WDFY4: variants seen among roughly 807,000 people sequenced by gnomAD.
The protein encoded by WDFY4 is WD repeat- and FYVE domain-containing protein 4.
WDFY4 carries 169 observed loss-of-function variants against 351.9 expected under a neutral mutation model. The observed-to-expected ratio is 0.48, with a 90% CI of 0.42 to 0.55. The LOEUF is 0.55. Among genes scored for constraint, WDFY4 ranks in the 20% least tolerant of loss-of-function variants. The pLI, the probability that WDFY4 is intolerant of heterozygous loss-of-function variation, is 0.00. For synonymous variants in WDFY4, 1,622 were observed against 1,574.6 expected (o/e 1.03, Z -0.71); for missense variants, 3,803 against 3,935.6 (o/e 0.97, Z 0.90).
Position 48,709,820 on chromosome 10 carries a change from G to A in WDFY4, c.88G>A (p.Asp30Asn), listed in dbSNP as rs200560672. The A allele has an allele frequency of 7.5e-4, 1,157 of 1,551,780 alleles. 1 individual carries two copies. The highest frequency in any genetic ancestry group is 9.5e-4 in the Non-Finnish European group (1,093 of 1,147,042). Residue 30 changes from aspartate to asparagine, a missense_variant, in exon 2 of 62, where the codon GAT (aspartate) becomes AAT (asparagine). Around this residue, in one of 3 missense-constraint regions of WDFY4, gnomAD observed 488 missense variants for 456.8 expected, o/e 1.07. Transcript: ENST00000325239. ...NEGQLAAVQP[D>N]VPHGGQSSSP... ...AGGGCAGCTTGCTGCTGTGCAGCCT[G>A]ATGTCCCACATGGAGGGCAGTCCTC...
At chr10:48,976,706 G>A in intron 58 of WDFY4, 91 bp from the exon 59 acceptor site, 7 of 1,189,454 alleles carry the variant, frequency 5.9e-6, no homozygotes, top group Non-Finnish European at 7.7e-6. Flanking sequence ...CAGATTGAGA[G>A]TACTTGGGTG....
At chr10:48,750,542 G>A (rs529139146) in intron 12 of WDFY4, among the ~76,000 whole-genome samples, 21 of 152,312 alleles carry the variant, frequency 1.4e-4, no homozygotes, top group African/African-American at 4.3e-4. Context: ...CCCCTGGCCT[G>A]CCCATCCCCA....
chr10:48,808,013 G>T (rs1360754882), intron 28 of WDFY4, 55 bp downstream of exon 28: 1 of 1,365,072 alleles, frequency 7.3e-7, no homozygotes, highest in East Asian at 2.8e-5. Context: ...ACAGGGTGTG[G>T]CATTAAACCT....
Position 48,978,357 on chromosome 10 carries a change from G to A in WDFY4, c.9340G>A (p.Gly3114Arg). ...GATGTCTGTTCCTGGACGGCCAGCA[G>A]GAGAGGAGCCCCCGGCTCAGCCTCC... ...VKMSVPGRPA[G>R]EEPPAQPPSP... is the part of the protein sequence containing the mutation. Residue 3114 changes from glycine to arginine, a missense_variant, in exon 60 of 62, where the codon GGA (glycine) becomes AGA (arginine). Physicochemically the swap from Gly to Arg is moderately radical, Grantham distance 125. Coordinates refer to ENST00000325239, the MANE Select transcript of WDFY4 (RefSeq NM_001394531.1). 6 of 1,551,446 alleles carry A rather than the reference G, an allele frequency of 3.9e-6. No homozygotes were observed. The highest frequency in any genetic ancestry group is 2.4e-5 in the East Asian group (1 of 40,892).
At chr10:48,742,846 T>C in intron 11 of WDFY4, 122 bp from the exon 12 acceptor site, 1 of 877,362 alleles carries the variant, frequency 1.1e-6, no homozygotes, top group Middle Eastern at 2.4e-4. Context: ...ATCCTTCCTG[T>C]AACTTGTTGG....
At chr10:48,738,555 CT>C (rs1361585190) in intron 11 of WDFY4, among the ~76,000 whole-genome samples, 1 of 152,206 alleles carries the variant, frequency 6.6e-6, no homozygotes, top group Non-Finnish European at 1.5e-5. Context: ...TGTCACACTG[CT>C]GCTCTAGGGG....
At chr10:48,814,443 C>T (rs2067555619) in intron 31 of WDFY4, among the ~76,000 whole-genome samples, 2 of 152,200 alleles carry the variant, frequency 1.3e-5, no homozygotes, top group African/African-American at 4.8e-5. Flanking sequence ...GGGAAGGGAC[C>T]TGACTTAGAG....
chr10:48,814,044 T>G lies in WDFY4; in HGVS notation c.5302T>G (p.Leu1768Val), dbSNP rs2067540144. ...LQAGLCTEGA[L>V]LLLEMLKATM... ...GGCTGGGCTGTGCACAGAAGGTGCC[T>G]TGCTCCTCCTGGAAATGCTGAAGGC... The change falls in exon 31 of 62, where the codon TTG becomes GTG. Residue 1768 changes from leucine (L) to valine (V), a missense_variant. Physicochemically the swap from Leu to Val is conservative, Grantham distance 32. Around this residue, in one of 3 missense-constraint regions of WDFY4, gnomAD observed 3,054 missense variants for 3,148.6 expected, o/e 0.97. Coordinates refer to ENST00000325239, the MANE Select transcript of WDFY4 (RefSeq NM_001394531.1). 6.5e-7 allele frequency: 1 copy of G among 1,549,998 alleles called. No homozygotes were observed. Among genetic ancestry groups the G allele is most frequent in the Non-Finnish European group, 8.7e-7 (1 of 1,145,888 alleles).
intron 43 of WDFY4, among the ~76,000 whole-genome samples, chr10:48,880,689 G>A (rs945999286): frequency 6.6e-6 from 1 of 152,230 alleles, no homozygotes; most frequent in Non-Finnish European, 1.5e-5. Flanking sequence ...CAGAGGACTG[G>A]GCAGAGTGAC....
At chr10:48,714,542 C>T (rs976659958) in intron 2 of WDFY4, among the ~76,000 whole-genome samples, 4 of 152,162 alleles carry the variant, frequency 2.6e-5, no homozygotes, top group African/African-American at 9.7e-5. Context: ...GAACCTTTCC[C>T]ATCGTATGGT....
At chr10:48,733,206 G>T (rs558337398) in intron 9 of WDFY4, among the ~76,000 whole-genome samples, 16 of 152,268 alleles carry the variant, frequency 1.1e-4, no homozygotes, top group African/African-American at 3.8e-4. Context: ...TTTTTTGTGA[G>T]CTCATGCATC....
chr10:48,899,792 G>C (rs1837265565), intron 45 of WDFY4, among the ~76,000 whole-genome samples: 1 of 152,172 alleles, frequency 6.6e-6, no homozygotes, highest in African/African-American at 2.4e-5. Flanking sequence ...GGGACCCTGT[G>C]CTGCTTAAGT....
chr10:48,861,677 T>G lies in WDFY4; in HGVS notation c.6664-5588T>G, dbSNP rs576064868. The stretch of plus-strand genomic sequence containing the variant: ...ACTATAATGTGTCTTGACATGGATT[T>G]CTATGGGTCTGTCTTGTTTGGAATT... On this transcript the variant is annotated intron_variant, in intron 39 of 61. Coordinates refer to ENST00000325239, the MANE Select transcript of WDFY4 (RefSeq NM_001394531.1). Among the ~76,000 whole-genome samples, 14 of 152,324 alleles carry G rather than the reference T, an allele frequency of 9.2e-5. No individual in the cohort carries two copies. In the South Asian group the frequency reaches 2.9e-3, roughly 32 times the overall value.
intron 23 of WDFY4, among the ~76,000 whole-genome samples, chr10:48,793,165 A>G (rs1316171827): frequency 6.6e-6 from 1 of 152,212 alleles, no homozygotes; most frequent in Non-Finnish European, 1.5e-5. Flanking sequence ...GCTAGGCACT[A>G]GGGATGTGAG....
Position 48,733,951 on chromosome 10 carries a change from G to C in WDFY4, c.1603G>C (p.Gly535Arg). The change falls in exon 10 of 62, where the codon GGT becomes CGT. Residue 535 changes from glycine (G) to arginine (R), a missense_variant. By Grantham distance (125) the Gly-to-Arg change is moderately radical (BLOSUM62 -2). Transcript: ENST00000325239. Reference sequence around the variant, plus strand: ...GGCAGGAAACAAAGTGTCCACTCCTGGTGTTCAGGATCCAGAAAGAGAACT... The same window carrying C: ...GGCAGGAAACAAAGTGTCCACTCCTCGTGTTCAGGATCCAGAAAGAGAACT... ...RKSGNKVSTPGVQDPERELTC... is the reference protein window; with the variant it reads ...RKSGNKVSTPRVQDPERELTC... 6.4e-7 allele frequency: 1 copy of C among 1,551,684 alleles called. No homozygotes were observed. The highest frequency in any genetic ancestry group is 1.2e-5 in the South Asian group (1 of 84,058).
intron 35 of WDFY4, chr10:48,823,253 G>A (rs1031733072): frequency 3.1e-6 from 4 of 1,300,410 alleles, no homozygotes; most frequent in Admixed American, 2.3e-5. Flanking sequence ...AACCCTCCCT[G>A]TGATGGGGAA....
intron 7 of WDFY4, among the ~76,000 whole-genome samples, chr10:48,729,030 ACTCAAC>A (rs2064365004): frequency 6.6e-6 from 1 of 152,158 alleles, no homozygotes; most frequent in Non-Finnish European, 1.5e-5. Flanking sequence ...CAAAAGCCAC[ACTCAAC>A]CTTTAAATAA....
intron 39 of WDFY4, among the ~76,000 whole-genome samples, chr10:48,843,573 T>G (rs1326058039): frequency 6.6e-6 from 1 of 152,234 alleles, no homozygotes; most frequent in Non-Finnish European, 1.5e-5. Context: ...AAAAAAAATG[T>G]ATACTGTATG....
rs115736556 is a variant in WDFY4 at position 48,820,869 on chromosome 10, G to A, written c.5710-193G>A. On this transcript the variant is annotated intron_variant, in intron 33 of 61. Coordinates refer to ENST00000325239, the MANE Select transcript of WDFY4 (RefSeq NM_001394531.1). ...TCCCCTGACTTGCCTCCTTACCCTC[G>A]GAAGTGGGCGTTGCTTCCTGGATGA... Among the ~76,000 whole-genome samples, 400 of 152,268 alleles carry A rather than the reference G, an allele frequency of 2.6e-3. 5 individuals carry two copies. Among genetic ancestry groups the A allele is most frequent in the African/African-American group, 8.7e-3 (362 of 41,562 alleles).
Sources: gnomAD v4.1 joint callset for allele counts (sites outside exome capture counted in the v4.1 genomes callset) on GRCh38, gnomAD v4.1.1 for gene constraint, gnomAD v4.1.1 regional missense constraint, MANE v1.5 for transcripts, NCBI Gene and HGNC (gene_info 2026-07-23, HGNC 2026-07-21) for gene names.